CD9: variants seen among roughly 807,000 people sequenced by gnomAD.
CD9 encodes CD9 antigen.
CD9 carries 10 observed loss-of-function variants against 31.4 expected under a neutral mutation model. The observed-to-expected ratio is 0.32, with a 90% CI of 0.20 to 0.54. The LOEUF is 0.54. Ranked by LOEUF, CD9 falls within the 20% of genes least tolerant of loss-of-function variation. The probability of loss-of-function intolerance (pLI) is 0.94; values close to 1 mark genes in which losing one functional copy is unlikely to be tolerated. For synonymous variants in CD9, 113 were observed against 114.1 expected, an observed-to-expected ratio of 0.99 and a Z score of 0.06; for missense variants, 259 against 300.1, an observed-to-expected ratio of 0.86 and a Z score of 1.01.
At chr12:6,221,580 A>G (rs1186575876) in intron 1 of CD9, among the ~76,000 whole-genome samples, 3 of 152,072 alleles carry the variant, frequency 2.0e-5, no homozygotes, top group Admixed American at 6.5e-5. Context: ...CTATATTCTC[A>G]TTTATGGAGT....
chr12:6,206,726 TC>T (rs201588181), intron 1 of CD9, among the ~76,000 whole-genome samples: 1 of 150,600 alleles, frequency 6.6e-6, no homozygotes, highest in Admixed American at 6.6e-5. Context: ...GGTAATTTCC[TC>T]CCCCCGCCTC....
chr12:6,200,670 G>T, intron 1 of CD9, 105 bp downstream of exon 1: 5 of 712,332 alleles, frequency 7.0e-6, no homozygotes, highest in South Asian at 1.7e-5. Context: ...TGCCCGCACC[G>T]GGCAGGCACC....
intron 1 of CD9, among the ~76,000 whole-genome samples, chr12:6,223,450 A>G (rs1201575337): frequency 3.3e-5 from 5 of 151,918 alleles, no homozygotes; most frequent in Middle Eastern, 6.8e-3. Context: ...TTTAGTGGAG[A>G]CGGGGTTTCA....
intron 2 of CD9, among the ~76,000 whole-genome samples, chr12:6,227,477 C>T (rs1328107883): frequency 2.6e-5 from 4 of 152,162 alleles, no homozygotes; most frequent in South Asian, 2.1e-4. Flanking sequence ...GGATGACAGG[C>T]GTGAGCCACC....
chr12:6,236,812 G>A (rs1029418431), intron 7 of CD9: 2 of 238,664 alleles, frequency 8.4e-6, no homozygotes, highest in African/African-American at 4.5e-5. Flanking sequence ...GGATGGCCTT[G>A]GCTCACTGAG....
At chr12:6,236,967 CCTT>C (rs1946530821) in intron 7 of CD9, among the ~76,000 whole-genome samples, 2 of 152,144 alleles carry the variant, frequency 1.3e-5, no homozygotes. Context: ...TACGACAATA[CCTT>C]CTTTTTTTTC....
chr12:6,215,804 C>A (rs1001908891), intron 1 of CD9, among the ~76,000 whole-genome samples: 2 of 152,222 alleles, frequency 1.3e-5, no homozygotes, highest in African/African-American at 4.8e-5. Flanking sequence ...TCTAGAAATT[C>A]CGCCATGAGC....
At chr12:6,200,302 G>A (rs1305822575), upstream of CD9, 3 of 335,700 alleles carry the variant, frequency 8.9e-6, no homozygotes, top group Non-Finnish European at 1.6e-5. Context: ...GGCCGGCGGG[G>A]GGAGTGGGGG....
At chr12:6,221,424 T>C (rs903749297) in intron 1 of CD9, among the ~76,000 whole-genome samples, 12 of 152,146 alleles carry the variant, frequency 7.9e-5, no homozygotes, top group African/African-American at 2.9e-4. Flanking sequence ...CACTGTCTCA[T>C]TCAGCATCCG....
intron 1 of CD9, among the ~76,000 whole-genome samples, chr12:6,204,442 C>T (rs1036102225): frequency 1.3e-5 from 2 of 152,142 alleles, no homozygotes; most frequent in African/African-American, 4.8e-5. Context: ...GATACCAAGG[C>T]TTGAGTCCTC....
rs550348175 is a variant in CD9, at chr12:6,218,477, A to C, written c.67-6949A>C. Among the ~76,000 whole-genome samples, 146 of 152,196 alleles carry C rather than the reference A, an allele frequency of 9.6e-4. 1 individual carries two copies. Among genetic ancestry groups the C allele is most frequent in the Non-Finnish European group, 1.5e-3 (103 of 68,010 alleles). ...TCCTCTGGGTTACCTCCTCTTTTTC[A>C]GCACACCTACTTCAAGAATTTCCAT... On this transcript the variant is annotated intron_variant, in intron 1 of 7. Transcript: ENST00000009180.
At chr12:6,227,014 G>A (rs934034171) in intron 2 of CD9, among the ~76,000 whole-genome samples, 5 of 152,240 alleles carry the variant, frequency 3.3e-5, no homozygotes, top group South Asian at 2.1e-4. Flanking sequence ...TGTGGCCGGC[G>A]CGTGTGTCTC....
At chr12:6,228,577 A>C (rs1463174594) in intron 2 of CD9, among the ~76,000 whole-genome samples, 3 of 151,564 alleles carry the variant, frequency 2.0e-5, no homozygotes, top group South Asian at 2.1e-4. Flanking sequence ...AAAAAAAAAA[A>C]AAAACAGCAG....
At chr12:6,201,007 C>T (rs534360474) in intron 1 of CD9, 1 of 154,874 alleles carries the variant, frequency 6.5e-6, no homozygotes, top group African/African-American at 2.4e-5. Flanking sequence ...GGTGGGGTCT[C>T]CCAGGTAGTA....
Position 6,225,525 on chromosome 12 carries a change from T to C in CD9, c.166T>C (p.Phe56Leu), listed in dbSNP as rs757582698. 1 of 1,600,860 alleles carries C rather than the reference T, an allele frequency of 6.2e-7. No homozygotes were observed. Among genetic ancestry groups the C allele is most frequent in the Admixed American group, 1.7e-5 (1 of 59,982 alleles). ...AGAAACTAATAATAATAATTCCAGC[T>C]TCTACACAGGTGAGGGACGGGGAAG... Reference protein sequence around the residue: ...EQETNNNNSSFYTGVYILIGA... With the variant: ...EQETNNNNSSLYTGVYILIGA... Residue 56 changes from phenylalanine to leucine, a missense_variant, in exon 2 of 8, where the codon TTC becomes CTC. Transcript: ENST00000009180.
At position 6,237,790 on chromosome 12, in the gene CD9, T is replaced by C; in HGVS notation, c.649T>C (p.Leu217=). The C allele has an allele frequency of 6.2e-7, 1 of 1,613,678 alleles. No individual in the cohort carries two copies. Among genetic ancestry groups the C allele is most frequent in the Non-Finnish European group, 8.5e-7 (1 of 1,179,574 alleles). ...ATTTGGCATGATCTTCAGTATGATC[T>C]TGTGCTGTGCTATCCGCAGGAACCG... The part of the protein sequence containing the change: ...MIFGMIFSMI[L]CCAIRRNREM... The change falls in exon 8 of 8, where the codon TTG becomes CTG. Residue 217 remains leucine (L), a synonymous_variant. Coordinates refer to ENST00000009180, the MANE Select transcript of CD9 (RefSeq NM_001769.4).
At chr12:6,222,215 G>A (rs944263292) in intron 1 of CD9, among the ~76,000 whole-genome samples, 3 of 152,194 alleles carry the variant, frequency 2.0e-5, no homozygotes, top group African/African-American at 7.2e-5. Flanking sequence ...GTCTCCAACA[G>A]CGTTACAGAA....
rs2136636414 is a variant in CD9 at position 6,232,850 on chromosome 12, G to T, written c.273+121G>T. Reference sequence around the variant, plus strand: ...ATGGGGTCAGGAAGGTACCCAAAGGGCATGAGCTGTCCTCAGCCTGGGCCC... The same window carrying T: ...ATGGGGTCAGGAAGGTACCCAAAGGTCATGAGCTGTCCTCAGCCTGGGCCC... On this transcript the variant is annotated intron_variant, in intron 3 of 7. Transcript: ENST00000009180. This position sits in a 1 kb window ranked among gnomAD's most constrained non-coding sequence, Gnocchi z 4.8. 4.0e-6 allele frequency: 3 copies of T among 742,036 alleles called. No individual in the cohort carries two copies. Among genetic ancestry groups the T allele is most frequent in the African/African-American group, 1.7e-5 (1 of 57,894 alleles). The allele number at this position is 742,036 out of a possible 1,614,324, so 46.0% of individuals were successfully genotyped here.
chr12:6,207,299 G>T (rs536532561), intron 1 of CD9, among the ~76,000 whole-genome samples: 1 of 152,130 alleles, frequency 6.6e-6, no homozygotes, highest in East Asian at 1.9e-4. Flanking sequence ...ACCGTTCCCC[G>T]GGGGCTGCAA....
Sources: gnomAD v4.1 joint callset for allele counts (sites outside exome capture counted in the v4.1 genomes callset) on GRCh38, gnomAD v4.1.1 for gene constraint, Gnocchi (gnomAD v3.1) non-coding constraint, MANE v1.5 for transcripts, NCBI Gene and HGNC (gene_info 2026-07-23, HGNC 2026-07-21) for gene names.